The following GFRA2 variants were observed in gnomAD, a reference collection of about 807,000 sequenced individuals.
GFRA2 encodes the protein GDNF family receptor alpha 2, also known as GDNF family receptor alpha-2.
GFRA2 carries 17 observed loss-of-function variants against 48.3 expected under a neutral mutation model. That is an observed-to-expected ratio of 0.35 (90% CI 0.24 to 0.53). The LOEUF (loss-of-function observed/expected upper bound fraction) is 0.53, where lower values mean the gene tolerates loss of function less well. Among genes scored for constraint, GFRA2 ranks in the 20% least tolerant of loss-of-function variants. The pLI is 0.93. For synonymous variants in GFRA2, 305 were observed against 257.2 expected, an observed-to-expected ratio of 1.19 and a Z score of -1.78; for missense variants, 660 against 637.3, an observed-to-expected ratio of 1.04 and a Z score of -0.38.
chr8:21,796,074 A>T (rs2117107400), intron 2 of GFRA2, among the ~76,000 whole-genome samples: 1 of 152,344 alleles, frequency 6.6e-6, no homozygotes, highest in African/African-American at 2.4e-5. Context: ...GAGCTAAGCT[A>T]GTAAACCACC....
chr8:21,726,486 A>G (rs1355197721), intron 4 of GFRA2, among the ~76,000 whole-genome samples: 1 of 152,210 alleles, frequency 6.6e-6, no homozygotes, highest in Admixed American at 6.5e-5. Context: ...TCTGGAGGCC[A>G]GAAGTCCAAG....
At chr8:21,785,955 G>A (rs1807248350) in intron 1 of GFRA2, among the ~76,000 whole-genome samples, 1 of 152,154 alleles carries the variant, frequency 6.6e-6, no homozygotes, top group African/African-American at 2.4e-5. Context: ...GGGCCCCAGG[G>A]CTGAAGTTTC....
In GFRA2 at chr8:21,702,693, T is replaced by C. The variant is rs946461276; in HGVS notation, c.1218+112A>G. 14 of 1,095,518 alleles carry C rather than the reference T, an allele frequency of 1.3e-5. No homozygotes were observed. The African/African-American group carries it at 2.1e-4, about 17-fold the overall frequency. 67.9% of individuals were successfully genotyped at this position (1,095,518 alleles called of 1,614,324 possible). On this transcript the variant is annotated intron_variant, in intron 7 of 8. Coordinates refer to ENST00000524240, the MANE Select transcript of GFRA2 (RefSeq NM_001495.5). Reference sequence around the variant, plus strand: ...CCCCCGGCAGCTCCTCCCTGCCTCTTGGGTCCCTGATCCAAAGGGAGGACC... The same window carrying C: ...CCCCCGGCAGCTCCTCCCTGCCTCTCGGGTCCCTGATCCAAAGGGAGGACC...
Position 21,782,774 on chromosome 8 carries a change from G to C in GFRA2, c.166C>G (p.Arg56Gly). ...AGGCACTGCCGCAGAGTGCGGTAGC[G>C]AGAGCTGCAGTTGGATTCGGCGGCA... is the stretch of plus-strand genomic sequence containing the variant. ...LCAAESNCSSRYRTLRQCLAG... is the reference protein window; with the variant it reads ...LCAAESNCSSGYRTLRQCLAG... The change falls in exon 2 of 9, where the codon CGC becomes GGC. Residue 56 changes from arginine (R) to glycine (G), a missense_variant. By Grantham distance (125) the Arg-to-Gly change is moderately radical. Transcript: ENST00000524240. 1.3e-6 allele frequency: 2 copies of C among 1,591,470 alleles called. No homozygotes were observed. Among genetic ancestry groups the C allele is most frequent in the Non-Finnish European group, 1.7e-6 (2 of 1,171,520 alleles).
intron 4 of GFRA2, among the ~76,000 whole-genome samples, chr8:21,748,998 G>A (rs1805142935): frequency 6.6e-6 from 1 of 152,158 alleles, no homozygotes; most frequent in African/African-American, 2.4e-5. Context: ...TGGACACCCA[G>A]GATATGGCAG....
chr8:21,783,046 T>G, intron 1 of GFRA2, 147 bp from the exon 2 acceptor site: 5 of 771,074 alleles, frequency 6.5e-6, no homozygotes, highest in Non-Finnish European at 8.9e-6. Flanking sequence ...ACAGCCCTCC[T>G]CATACCCCAG....
intron 4 of GFRA2, among the ~76,000 whole-genome samples, chr8:21,715,925 C>T (rs1803308942): frequency 6.6e-6 from 1 of 152,076 alleles, no homozygotes. Context: ...CCTATCTGTA[C>T]ATGAGTCCCT....
rs759660135 is a variant in GFRA2 at position 21,702,815 on chromosome 8, G to A, written c.1208C>T (p.Thr403Met). The A allele has an allele frequency of 8.1e-6, 13 of 1,606,108 alleles. No homozygotes were observed. The highest frequency in any genetic ancestry group is 3.3e-4 in the Middle Eastern group (2 of 6,038). Residue 403 changes from threonine to methionine, a missense_variant, in exon 7 of 9, where the codon ACG becomes ATG. Transcript: ENST00000524240. ...GCCACACACCCTCACCTGGACAGAC[G>A]TGCAGGTGGTGATGACACTGGTCCC... ...SLGTSVITTC[T>M]SVQEQGLKAN... is the part of the protein sequence containing the mutation.
At chr8:21,752,373 C>A (rs976450615) in intron 3 of GFRA2, among the ~76,000 whole-genome samples, 1 of 152,196 alleles carries the variant, frequency 6.6e-6, no homozygotes, top group African/African-American at 2.4e-5. Flanking sequence ...ATCCACAGGC[C>A]TCATCTCCCT....
At chr8:21,807,878 A>T (rs961867125) in intron 1 of GFRA2, among the ~76,000 whole-genome samples, 36 of 152,244 alleles carry the variant, frequency 2.4e-4, no homozygotes, top group African/African-American at 8.7e-4. Context: ...CCATCATGCC[A>T]ATGCTAGAAG....
intron 2 of GFRA2, among the ~76,000 whole-genome samples, chr8:21,795,532 A>T (rs1807656622): frequency 6.6e-6 from 1 of 152,118 alleles, no homozygotes; most frequent in Non-Finnish European, 1.5e-5. Context: ...AGGTGGAATT[A>T]CAGGCGTGTG....
intron 1 of GFRA2, among the ~76,000 whole-genome samples, chr8:21,808,614 C>G (rs1055490011): frequency 6.6e-6 from 1 of 152,186 alleles, no homozygotes; most frequent in Admixed American, 6.5e-5. Context: ...AGGGGATGCT[C>G]AGGGAGGTTT....
chr8:21,743,690 T>C (rs1338466069), intron 4 of GFRA2, among the ~76,000 whole-genome samples: 2 of 152,196 alleles, frequency 1.3e-5, no homozygotes, highest in Non-Finnish European at 2.9e-5. Flanking sequence ...GATAATCTGC[T>C]GGCCCCAGGG....
chr8:21,694,368 G>A (rs1802050393), intron 8 of GFRA2, 96 bp downstream of exon 8: 9 of 1,198,096 alleles, frequency 7.5e-6, no homozygotes, highest in Middle Eastern at 3.8e-4. Flanking sequence ...CCCATGCGAT[G>A]AGATTTGAGG....
chr8:21,729,440 T>C (rs1020577613), intron 4 of GFRA2, among the ~76,000 whole-genome samples: 7 of 151,962 alleles, frequency 4.6e-5, no homozygotes, highest in Non-Finnish European at 1.0e-4. Context: ...TGAGGTCCTC[T>C]CCAAAAGATC....
At chr8:21,693,992 TAC>T (rs1802015240) in intron 8 of GFRA2, among the ~76,000 whole-genome samples, 1 of 147,640 alleles carries the variant, frequency 6.8e-6, no homozygotes, top group African/African-American at 2.5e-5. Context: ...TATATATATA[TAC>T]GTCATATACA....
intron 4 of GFRA2, among the ~76,000 whole-genome samples, chr8:21,729,249 G>A (rs1352314397): frequency 2.0e-5 from 3 of 152,174 alleles, no homozygotes; most frequent in African/African-American, 7.2e-5. Flanking sequence ...AGGATCACTT[G>A]AGCCCAGGAG....
intron 4 of GFRA2, among the ~76,000 whole-genome samples, chr8:21,738,858 G>A (rs1339106704): frequency 3.3e-5 from 5 of 152,228 alleles, no homozygotes; most frequent in Admixed American, 6.5e-5. Flanking sequence ...CATCCCAGGT[G>A]CAAGGCTCCC....
At chr8:21,716,308 G>GAA (rs5889998) in intron 4 of GFRA2, among the ~76,000 whole-genome samples, 183 of 144,056 alleles carry the variant, frequency 1.3e-3, no homozygotes, top group East Asian at 1.2e-3. Flanking sequence ...GGGAAACAAA[G>GAA]AAAAAAAAAA....
Sources: allele counts gnomAD v4.1 joint callset (sites outside exome capture counted in the v4.1 genomes callset), GRCh38; gene constraint gnomAD v4.1.1; transcripts MANE v1.5; gene names NCBI Gene and HGNC (gene_info 2026-07-23, HGNC 2026-07-21).